The following DGKA variants were observed in gnomAD, a reference collection of about 807,000 sequenced individuals.
DGKA encodes the protein diacylglycerol kinase alpha, also known as 80 kDa diacylglycerol kinase.
Under a neutral mutation model 105.0 loss-of-function variants are expected in DGKA, and 35 were observed. The ratio of observed to expected loss-of-function variants is 0.33; its 90% CI spans 0.25 to 0.44. DGKA has a LOEUF of 0.44. Ranked by LOEUF, DGKA falls within the 20% of genes least tolerant of loss-of-function variation. The pLI, the probability that DGKA is intolerant of heterozygous loss-of-function variation, is 1.00. For missense variants in DGKA, 665 were observed against 915.0 expected (o/e 0.73, Z 3.53); for synonymous variants, 296 against 332.0 (o/e 0.89, Z 1.18).
At chr12:55,935,817 C>A in intron 1 of DGKA, 1 of 942,480 alleles carries the variant, frequency 1.1e-6, no homozygotes, top group Non-Finnish European at 1.3e-6. Context: ...CTTGCCAGAG[C>A]TGGTTCTGTG....
At chr12:55,942,373 AGG>A (rs1886200445) in intron 17 of DGKA, 110 bp downstream of exon 17, 5 of 1,022,940 alleles carry the variant, frequency 4.9e-6, no homozygotes, top group South Asian at 4.0e-5. Context: ...GGGGAAGAAG[AGG>A]GGCACAGACA....
rs1885677969 is a variant in DGKA at position 55,940,473 on chromosome 12, C to CT, written c.918+40_918+41insT. 6.2e-7 allele frequency: 1 copy of CT among 1,608,410 alleles called. No individual in the cohort carries two copies. Among genetic ancestry groups the CT allele is most frequent in the African/African-American group, 1.3e-5 (1 of 74,908 alleles). The stretch of plus-strand genomic sequence containing the variant: ...CATCCCTTCTGGGTGCGTCTTACCC[C>CT]GCAGAGCTGCCTTCTCCACGGGCCT... On this transcript the variant is annotated intron_variant, in intron 11 of 23. Coordinates refer to ENST00000331886, the MANE Select transcript of DGKA (RefSeq NM_001345.5). This position sits in a 1 kb window ranked among gnomAD's most constrained non-coding sequence, Gnocchi z 4.3.
At chr12:55,938,806 T>A in intron 6 of DGKA, 109 bp from the exon 7 acceptor site, 4 of 1,561,126 alleles carry the variant, frequency 2.6e-6, no homozygotes, top group Non-Finnish European at 3.5e-6. Flanking sequence ...TACCTGAGAA[T>A]GAGAGGTGTG....
chr12:55,942,901 G>A (rs1428617337), intron 17 of DGKA, among the ~76,000 whole-genome samples: 2 of 152,104 alleles, frequency 1.3e-5, no homozygotes, highest in African/African-American at 4.8e-5. Context: ...TAAGGGCAGC[G>A]GAAGGCATTC....
Position 55,953,834 on chromosome 12 carries a change from A to G in DGKA, c.*66A>G, listed in dbSNP as rs1209624058. ...TCCCTGTCCCTGGACTCTACTCCCG[A>G]GGCTCTGTACATTGCTGCCACATAC... is the stretch of plus-strand genomic sequence containing the variant. On this transcript the variant is annotated 3_prime_UTR_variant, in exon 24 of 24. Coordinates refer to ENST00000331886, the MANE Select transcript of DGKA (RefSeq NM_001345.5). 37 of 1,442,556 alleles carry G rather than the reference A, an allele frequency of 2.6e-5. No homozygotes were observed. The East Asian group carries it at 8.0e-4, about 31-fold the overall frequency. The allele number at this position is 1,442,556 out of a possible 1,614,324, so 89.4% of individuals were successfully genotyped here. A position where few individuals can be genotyped will look rare whatever the true frequency, so the allele number is the denominator to read the frequency against.
rs1888646057 is a variant in DGKA, at chr12:55,953,772, G to A, written c.*4G>A. The stretch of plus-strand genomic sequence containing the variant: ...TTTCTTTGGCTTCTTGAGCTAAGGG[G>A]GACACCCTTGGCCTCCAAGCCAGCC... On this transcript the variant is annotated 3_prime_UTR_variant, in exon 24 of 24. Transcript: ENST00000331886. 1 of 1,613,540 alleles carries A rather than the reference G, an allele frequency of 6.2e-7. No individual in the cohort carries two copies. The highest frequency in any genetic ancestry group is 8.5e-7 in the Non-Finnish European group (1 of 1,179,564).
rs57799285 is a variant in DGKA, at chr12:55,932,709, GCACACACACACACACACACA to G, written c.-82+1378_-82+1397del. The G allele has an allele frequency of 4.0e-6, 2 of 499,072 alleles. No homozygotes were observed. Among genetic ancestry groups the G allele is most frequent in the East Asian group, 3.3e-5 (1 of 30,076 alleles). 30.9% of individuals were successfully genotyped at this position (499,072 alleles called of 1,614,324 possible). A position where few individuals can be genotyped will look rare whatever the true frequency, so the allele number is the denominator to read the frequency against. On this transcript the variant is annotated intron_variant, in intron 1 of 23. Coordinates refer to ENST00000331886, the MANE Select transcript of DGKA (RefSeq NM_001345.5). This position sits in a 1 kb window ranked among gnomAD's most constrained non-coding sequence, Gnocchi z 4.3. Reference sequence around the variant, plus strand: ...ACACCCTCTACACACACACACACACGCACACACACACACACACACACACACACACACAACCCCCTCAGCCA... The same window carrying G: ...ACACCCTCTACACACACACACACACGCACACACACACAACCCCCTCAGCCA...
Position 55,937,965 on chromosome 12 carries a change from T to G in DGKA, c.275-13T>G. On this transcript the variant is annotated splice_polypyrimidine_tract_variant and intron_variant, in intron 4 of 23. Transcript: ENST00000331886. ...AGGGAGCCCTGACTTCTGATCTGCT[T>G]TTTTGTAACCAGATGTGGTGTGTCT... The G allele has an allele frequency of 1.2e-6, 2 of 1,613,980 alleles. No individual in the cohort carries two copies. Among genetic ancestry groups the G allele is most frequent in the Non-Finnish European group, 8.5e-7 (1 of 1,179,916 alleles).
At chr12:55,945,698 T>C (rs1163701632) in intron 17 of DGKA, among the ~76,000 whole-genome samples, 1 of 152,112 alleles carries the variant, frequency 6.6e-6, no homozygotes, top group East Asian at 1.9e-4. Flanking sequence ...TTTACAACTC[T>C]TTTCTCCTGC....
chr12:55,952,656 G>C lies in DGKA; in HGVS notation c.1744-78G>C. Reference sequence around the variant, plus strand: ...TCTCCAGTTTGTCATCTGGTGGAGGGAGCGATCACATCTATGATCATGCCA... The same window carrying C: ...TCTCCAGTTTGTCATCTGGTGGAGGCAGCGATCACATCTATGATCATGCCA... On this transcript the variant is annotated intron_variant, in intron 20 of 23. Transcript: ENST00000331886. The surrounding 1 kb of genome is among the most constrained non-coding windows in gnomAD (Gnocchi z 5.1). 6.6e-7 allele frequency: 1 copy of C among 1,519,328 alleles called. No homozygotes were observed. The allele number at this position is 1,519,328 out of a possible 1,614,324, so 94.1% of individuals were successfully genotyped here.
chr12:55,953,206 G>A, intron 22 of DGKA, 46 bp downstream of exon 22: 4 of 1,613,536 alleles, frequency 2.5e-6, no homozygotes, highest in Non-Finnish European at 3.4e-6. Context: ...TGTGGGGCTG[G>A]GGCAGCAGAA....
intron 17 of DGKA, among the ~76,000 whole-genome samples, chr12:55,944,061 C>T (rs1886528726): frequency 6.6e-6 from 1 of 152,104 alleles, no homozygotes; most frequent in African/African-American, 2.4e-5. Context: ...TTTGGGAGGC[C>T]AAGGTCAGAA....
chr12:55,953,594 C>T, intron 23 of DGKA, 91 bp from the exon 24 acceptor site: 1 of 1,451,808 alleles, frequency 6.9e-7, no homozygotes, highest in Non-Finnish European at 9.6e-7. Flanking sequence ...TAGCAACCCA[C>T]CCCAAACCCC....
intron 17 of DGKA, among the ~76,000 whole-genome samples, chr12:55,944,625 G>A (rs763998723): frequency 1.8e-4 from 27 of 152,046 alleles, no homozygotes; most frequent in Non-Finnish European, 4.0e-4. Context: ...GACAAGAGAT[G>A]ATGAATACAG....
intron 17 of DGKA, among the ~76,000 whole-genome samples, chr12:55,948,756 G>A (rs1012154070): frequency 6.6e-6 from 1 of 151,992 alleles, no homozygotes; most frequent in South Asian, 2.1e-4. Flanking sequence ...GGGCGCAGTG[G>A]CTCACGCCTG....
At position 55,951,722 on chromosome 12, in the gene DGKA, CT is replaced by C; in HGVS notation, c.1527del (p.Glu510LysfsTer43). On this transcript the variant is annotated frameshift_variant, in exon 18 of 24. Coordinates refer to ENST00000331886, the MANE Select transcript of DGKA (RefSeq NM_001345.5). LOFTEE classifies it high-confidence loss of function. ...RWSVEVIPQQ[T>X]EEKSDPVPFQ... The stretch of plus-strand genomic sequence containing the variant: ...TCTGTGGAGGTGATACCTCAACAAA[CT>C]GAAGAAAAAAGTGACCCAGTCCCCT... The C allele has an allele frequency of 6.2e-7, 1 of 1,613,844 alleles. No homozygotes were observed. Among genetic ancestry groups the C allele is most frequent in the Non-Finnish European group, 8.5e-7 (1 of 1,179,984 alleles).
intron 17 of DGKA, among the ~76,000 whole-genome samples, 184 bp from the exon 18 acceptor site, chr12:55,951,432 TCACCCTC>T (rs1248291982): frequency 6.6e-6 from 1 of 152,166 alleles, no homozygotes; most frequent in Admixed American, 6.6e-5. Context: ...TTGGAAACAT[TCACCCTC>T]CACACAGCAT....
chr12:55,940,210 T>TGGC lies in DGKA; in HGVS notation c.798+40_798+41insGGC. The stretch of plus-strand genomic sequence containing the variant: ...GCCTCCACCCCCAACATCACCTACA[T>TGGC]CCTGGCCCTGGCCCTGGCCCTTGGC... On this transcript the variant is annotated intron_variant, in intron 10 of 23. Coordinates refer to ENST00000331886, the MANE Select transcript of DGKA (RefSeq NM_001345.5). This position sits in a 1 kb window ranked among gnomAD's most constrained non-coding sequence, Gnocchi z 4.3. 6.2e-7 allele frequency: 1 copy of TGGC among 1,613,762 alleles called. No individual in the cohort carries two copies. Among genetic ancestry groups the TGGC allele is most frequent in the South Asian group, 1.1e-5 (1 of 91,062 alleles).
At chr12:55,936,639 C>A (rs1201638399) in intron 2 of DGKA, 72 bp downstream of exon 2, 2 of 1,596,838 alleles carry the variant, frequency 1.3e-6, no homozygotes, top group Admixed American at 1.7e-5. Flanking sequence ...CTCATTACAC[C>A]CCCTGCCCCC....
Sources: gnomAD v4.1 joint callset for allele counts (sites outside exome capture counted in the v4.1 genomes callset) on GRCh38, gnomAD v4.1.1 for gene constraint, Gnocchi (gnomAD v3.1) non-coding constraint, MANE v1.5 for transcripts, NCBI Gene and HGNC (gene_info 2026-07-23, HGNC 2026-07-21) for gene names.